PTK2B: variants seen among roughly 807,000 people sequenced by gnomAD.
The protein encoded by PTK2B is protein-tyrosine kinase 2-beta.
Under a neutral mutation model 142.9 loss-of-function variants are expected in PTK2B, and 71 were observed. That is an observed-to-expected ratio of 0.50 (90% CI 0.41 to 0.61). The LOEUF is 0.61. Ranked by LOEUF, PTK2B falls within the 20% of genes least tolerant of loss-of-function variation. The pLI is 0.00. For missense variants in PTK2B, 1,105 were observed against 1,320.4 expected (o/e 0.84, Z 2.53); for synonymous variants, 519 against 503.4 (o/e 1.03, Z -0.42).
chr8:27,373,792 CCTT>C (rs1452732496), intron 1 of PTK2B, among the ~76,000 whole-genome samples: 1 of 151,978 alleles, frequency 6.6e-6, no homozygotes, highest in African/African-American at 2.4e-5. Context: ...GGTGTCTTCT[CCTT>C]CTGGTTTAAA....
intron 2 of PTK2B, among the ~76,000 whole-genome samples, chr8:27,403,857 TTTC>T (rs1025382425): frequency 1.3e-5 from 2 of 151,890 alleles, no homozygotes; most frequent in East Asian, 1.9e-4. Flanking sequence ...TTCTTTCTTT[TTTC>T]TTCTTCTTTC....
intron 9 of PTK2B, 100 bp from the exon 10 acceptor site, chr8:27,432,160 C>A: frequency 1.0e-6 from 1 of 974,510 alleles, no homozygotes; most frequent in African/African-American, 1.6e-5. Flanking sequence ...CCCAGAGAAA[C>A]TCCCAGTTCC....
intron 5 of PTK2B, among the ~76,000 whole-genome samples, chr8:27,429,517 T>C (rs1810279275): frequency 6.6e-6 from 1 of 152,168 alleles, no homozygotes; most frequent in Non-Finnish European, 1.5e-5. Context: ...AAGGCATACA[T>C]TTTTAGGGGA....
chr8:27,401,704 T>C lies in PTK2B; in HGVS notation c.204+3916T>C, dbSNP rs138036220. ...CATCTCTTATGGGAAGCCACTGATATAATTTAAAACTATGAGTGACATGAG... is the reference window on the plus strand; with the variant it reads ...CATCTCTTATGGGAAGCCACTGATACAATTTAAAACTATGAGTGACATGAG... On this transcript the variant is annotated intron_variant, in intron 2 of 30. Transcript: ENST00000346049. Among the ~76,000 whole-genome samples the C allele has an allele frequency of 7.2e-5, 11 of 152,330 alleles. No individual in the cohort carries two copies. In the East Asian group the frequency reaches 1.5e-3, roughly 21 times the overall value.
intron 1 of PTK2B, among the ~76,000 whole-genome samples, chr8:27,362,725 G>A (rs1805787329): frequency 6.6e-6 from 1 of 152,054 alleles, no homozygotes; most frequent in African/African-American, 2.4e-5. Context: ...CCAGCCTCGG[G>A]AGCCTGTCTC....
intron 1 of PTK2B, among the ~76,000 whole-genome samples, chr8:27,345,492 G>T (rs942121016): frequency 5.9e-5 from 9 of 152,206 alleles, no homozygotes; most frequent in African/African-American, 2.2e-4. Context: ...GCTGCTCTGA[G>T]TGAGGGGCTT....
At chr8:27,405,035 C>CCTCTCTTTCTCTCTCTCTCTCTCTCTCT (rs1808621369) in intron 2 of PTK2B, among the ~76,000 whole-genome samples, 1 of 119,570 alleles carries the variant, frequency 8.4e-6, no homozygotes, top group African/African-American at 3.5e-5. Flanking sequence ...TCTTTCTCTT[C>CCTCTCTTTCTCTCTCTCTCTCTCTCTCT]CTCTCTCTCT....
At chr8:27,391,525 A>T (rs370050197) in intron 1 of PTK2B, among the ~76,000 whole-genome samples, 6 of 152,156 alleles carry the variant, frequency 3.9e-5, no homozygotes, top group South Asian at 4.1e-4. Context: ...TTACCCTACA[A>T]TGTCTTCAAA....
chr8:27,423,038 G>C (rs1011186084), intron 5 of PTK2B, among the ~76,000 whole-genome samples: 1 of 152,190 alleles, frequency 6.6e-6, no homozygotes. Flanking sequence ...TCCAGGCTCA[G>C]GGATCAGTGG....
chr8:27,313,067 A>G (rs910204568), intron 2 of PTK2B: 1 of 152,220 alleles, frequency 6.6e-6, no homozygotes, highest in Non-Finnish European at 1.5e-5. Flanking sequence ...GTCAAGGGAG[A>G]GACCAGGTGG....
At chr8:27,431,326 A>T in intron 8 of PTK2B, 72 bp from the exon 9 acceptor site, 1 of 1,603,990 alleles carries the variant, frequency 6.2e-7, no homozygotes. Flanking sequence ...TAGCTTAGGG[A>T]GCTTTTCTTC....
chr8:27,436,180 G>A, intron 14 of PTK2B, 71 bp from the exon 15 acceptor site: 1 of 1,459,140 alleles, frequency 6.9e-7, no homozygotes, highest in East Asian at 2.3e-5. Flanking sequence ...TTTAGAGCCT[G>A]CAGACACTCA....
At chr8:27,346,746 G>A (rs940454206) in intron 1 of PTK2B, among the ~76,000 whole-genome samples, 1 of 152,182 alleles carries the variant, frequency 6.6e-6, no homozygotes, top group Non-Finnish European at 1.5e-5. Context: ...ATGGAGAAAG[G>A]TATCTTTTCC....
At position 27,442,961 on chromosome 8, in the gene PTK2B, C is replaced by G. The variant is rs764837632; in HGVS notation, c.2126C>G (p.Ala709Gly). 7.4e-6 allele frequency: 12 copies of G among 1,614,048 alleles called. No individual in the cohort carries two copies. In the South Asian group the frequency reaches 1.2e-4, roughly 16 times the overall value. ...YRTPKILEPT[A>G]FQEPPPKPSR... ...ACCCCCAAAATCTTGGAGCCCACAG[C>G]CTTCCAGGAACCCCCACCCAAGGTA... is the stretch of plus-strand genomic sequence containing the variant. The change falls in exon 22 of 31, where the codon GCC becomes GGC. Residue 709 changes from alanine to glycine, a missense_variant. By Grantham distance (60) the Ala-to-Gly change is moderately conservative. Coordinates refer to ENST00000346049, the MANE Select transcript of PTK2B (RefSeq NM_173176.3).
rs564834992 is a variant in PTK2B, at chr8:27,396,514, G to A, written c.-37-1034G>A. Among the ~76,000 whole-genome samples, 111 of 152,332 alleles carry A rather than the reference G, an allele frequency of 7.3e-4. 2 individuals carry two copies. In the South Asian group the frequency reaches 0.018, roughly 25 times the overall value. ...AAACGTTAGAAAAGTCCTGGGAAACGAATATGTCAATGCTCAGCCCAGACC... is the reference window on the plus strand; with the variant it reads ...AAACGTTAGAAAAGTCCTGGGAAACAAATATGTCAATGCTCAGCCCAGACC... On this transcript the variant is annotated intron_variant, in intron 1 of 30. Coordinates refer to ENST00000346049, the MANE Select transcript of PTK2B (RefSeq NM_173176.3).
chr8:27,310,983 C>A (rs763134688), upstream of PTK2B: 1 of 1,611,980 alleles, frequency 6.2e-7, no homozygotes, highest in Non-Finnish European at 8.5e-7. Context: ...TCGGCCTCCT[C>A]GCGCAGCAGC....
chr8:27,438,535 G>A (rs143714754), intron 18 of PTK2B, among the ~76,000 whole-genome samples: 333 of 23,298 alleles, frequency 0.014, 2 homozygotes, highest in African/African-American at 0.088. Flanking sequence ...CTGTGCTGCC[G>A]CTGCCACTCC....
rs1374905996 is a variant in PTK2B at position 27,350,990 on chromosome 8, A to AT, written c.-38+25309_-38+25310insT. Among the ~76,000 whole-genome samples, 2 of 12,088 alleles carry AT rather than the reference A, an allele frequency of 1.7e-4. 1 individual carries two copies. The highest frequency in any genetic ancestry group is 1.9e-3 in the Admixed American group (2 of 1,044). 7.9% of individuals were successfully genotyped at this position (12,088 alleles called of 152,430 possible). On this transcript the variant is annotated intron_variant, in intron 1 of 30. Coordinates refer to ENST00000346049, the MANE Select transcript of PTK2B (RefSeq NM_173176.3). ...GTCTCCGTCTCAAAAAAAAAAAAAA[A>AT]ATATATATATATATATATATATATA...
At chr8:27,457,577 A>T (rs928351640) in intron 30 of PTK2B, among the ~76,000 whole-genome samples, 7 of 152,236 alleles carry the variant, frequency 4.6e-5, no homozygotes, top group African/African-American at 1.7e-4. Context: ...ACCATTCTAG[A>T]TAATATTAGG....
Sources: gnomAD v4.1 joint callset for allele counts (sites outside exome capture counted in the v4.1 genomes callset) on GRCh38, gnomAD v4.1.1 for gene constraint, MANE v1.5 for transcripts, NCBI Gene and HGNC (gene_info 2026-07-23, HGNC 2026-07-21) for gene names.